Variants in NEB observed in about 807,000 individuals in gnomAD.
The protein encoded by NEB is nebulin, also known as nemaline myopathy type 2.
In NEB, 512 loss-of-function variants were observed where a neutral mutation model predicts 952.2. That is an observed-to-expected ratio of 0.54 (90% CI 0.50 to 0.58). NEB has a LOEUF of 0.58. NEB is among the 20% of genes least tolerant of loss of function. The probability of loss-of-function intolerance (pLI) is 0.00; values close to 1 mark genes in which losing one functional copy is unlikely to be tolerated. For synonymous variants in NEB, 2,900 were observed against 3,149.8 expected (o/e 0.92, Z 2.66); for missense variants, 8,428 against 9,231.1 (o/e 0.91, Z 3.56).
intron 153 of NEB, among the ~76,000 whole-genome samples, chr2:151,523,836 A>G (rs1355642226): frequency 6.6e-6 from 1 of 152,302 alleles, no homozygotes; most frequent in African/African-American, 2.4e-5. Context: ...ATCTGAAGAC[A>G]TCTGCTCATC....
Position 151,642,764 on chromosome 2 carries a change from C to A in NEB, c.8265+1G>T, listed in dbSNP as rs1131691547. The A allele has an allele frequency of 6.2e-7, 1 of 1,607,346 alleles. No individual in the cohort carries two copies. The highest frequency in any genetic ancestry group is 2.2e-5 in the East Asian group (1 of 44,768). ...TCACGCACTATGAATATATTACTTA[C>A]CTCACTGTAATTTACTTTGTTTTGT... On this transcript the variant is annotated splice_donor_variant, in intron 59 of 181. Transcript: ENST00000397345. LOFTEE classifies it high-confidence loss of function.
At chr2:151,692,543 T>G (rs1361475086) in intron 20 of NEB, 181 bp from the exon 21 acceptor site, 2 of 644,948 alleles carry the variant, frequency 3.1e-6, no homozygotes, top group African/African-American at 3.7e-5. Context: ...TTATATAATC[T>G]CATCTGCTAA....
chr2:151,545,575 C>CA lies in NEB; in HGVS notation c.20577+312dup, dbSNP rs566474049. On this transcript the variant is annotated intron_variant, in intron 135 of 181. Coordinates refer to ENST00000397345, the MANE Select transcript of NEB (RefSeq NM_001164508.2). ...GGGCAACAAGAGCAAAACTCCATCT[C>CA]AAAAAAAAAAAGAAAAAGAAAGGTC... Among the ~76,000 whole-genome samples, 267 of 135,200 alleles carry CA rather than the reference C, an allele frequency of 2.0e-3. 1 individual carries two copies. The highest frequency in any genetic ancestry group is 6.5e-3 in the East Asian group (31 of 4,772). The allele number at this position is 135,200 out of a possible 152,430, so 88.7% of individuals were successfully genotyped here.
chr2:151,546,857 C>A (rs2153612435), intron 133 of NEB, among the ~76,000 whole-genome samples: 1 of 152,302 alleles, frequency 6.6e-6, no homozygotes, highest in South Asian at 2.1e-4. Context: ...CCGTGCCCAG[C>A]CAGTTCATCT....
At chr2:151,687,251 G>C (rs2099509837) in intron 27 of NEB, among the ~76,000 whole-genome samples, 168 bp downstream of exon 27, 1 of 152,118 alleles carries the variant, frequency 6.6e-6, no homozygotes, top group Admixed American at 6.5e-5. Flanking sequence ...CTCAAATGTG[G>C]GAGGCACAAT....
chr2:151,623,298 C>T (rs2098453295), intron 71 of NEB, among the ~76,000 whole-genome samples: 1 of 152,088 alleles, frequency 6.6e-6, no homozygotes. Flanking sequence ...AGAAATAATG[C>T]ATGGCTTTAA....
chr2:151,575,591 C>T (rs553780946), intron 107 of NEB, 104 bp downstream of exon 107: 28 of 796,678 alleles, frequency 3.5e-5, no homozygotes, highest in East Asian at 1.0e-4. Flanking sequence ...TCCCCTGTTG[C>T]GGGAAGTCAG....
At position 151,682,721 on chromosome 2, in the gene NEB, C is replaced by A; in HGVS notation, c.2884G>T (p.Val962Leu). Residue 962 changes from valine to leucine, a missense_variant, in exon 29 of 182, where the codon GTG (valine) becomes TTG (leucine). By Grantham distance (32) the Val-to-Leu change is conservative (BLOSUM62 1). Coordinates refer to ENST00000397345, the MANE Select transcript of NEB (RefSeq NM_001164508.2). ...YNSWMKGCGW[V>L]PFGSLEMEKA... ...TCCATTTCTAAGGACCCAAAAGGCA[C>A]CCAGCCACAACCTTTCATCCAGCTA... 6.2e-7 allele frequency: 1 copy of A among 1,613,466 alleles called. No individual in the cohort carries two copies. Among genetic ancestry groups the A allele is most frequent in the Non-Finnish European group, 8.5e-7 (1 of 1,179,568 alleles).
chr2:151,572,493 T>A (rs1255735666), intron 107 of NEB, among the ~76,000 whole-genome samples: 1 of 146,758 alleles, frequency 6.8e-6, no homozygotes, highest in Non-Finnish European at 1.5e-5. Flanking sequence ...TGAATATTTA[T>A]ATATATTGAA....
chr2:151,694,990 G>T (rs1416075000), intron 18 of NEB, among the ~76,000 whole-genome samples: 1 of 152,060 alleles, frequency 6.6e-6, no homozygotes, highest in East Asian at 1.9e-4. Flanking sequence ...TCTCTGCAAA[G>T]GTTATTTCAT....
chr2:151,536,475 A>G (rs909910183), intron 141 of NEB, among the ~76,000 whole-genome samples: 4 of 152,202 alleles, frequency 2.6e-5, no homozygotes, highest in African/African-American at 9.6e-5. Context: ...GTTTTCCAGT[A>G]ATTAATCAGA....
Position 151,567,411 on chromosome 2 carries a change from A to T in NEB, c.17913T>A (p.Asp5971Glu), listed in dbSNP as rs1167894918. ...CATGCTCAAACCAAACCAGCTTAGG[A>T]TCATCTCTCATCGTCGGGACACCAA... is the stretch of plus-strand genomic sequence containing the variant. ...HYVGVPTMRDDPKLVWFEHAG... is the reference protein window; with the variant it reads ...HYVGVPTMRDEPKLVWFEHAG... Residue 5971 changes from aspartate (D) to glutamate (E), a missense_variant, in exon 114 of 182, where the codon GAT becomes GAA. Transcript: ENST00000397345. The T allele has an allele frequency of 4.3e-6, 7 of 1,613,630 alleles. No individual in the cohort carries two copies. In the Admixed American group the frequency reaches 8.3e-5, roughly 19 times the overall value.
chr2:151,624,624 A>C (rs1335980732), intron 71 of NEB, among the ~76,000 whole-genome samples: 2 of 152,158 alleles, frequency 1.3e-5, no homozygotes, highest in Non-Finnish European at 2.9e-5. Context: ...ATTATAGGCA[A>C]AAGTAATTAT....
At chr2:151,537,274 A>G (rs2093344771) in intron 140 of NEB, 38 bp from the exon 141 acceptor site, 1 of 1,244,688 alleles carries the variant, frequency 8.0e-7, no homozygotes, top group African/African-American at 1.5e-5. Flanking sequence ...CTAAGAAGCC[A>G]TCTCCAAACA....
chr2:151,656,903 TTC>T (rs1262029302), intron 48 of NEB, among the ~76,000 whole-genome samples: 2 of 152,126 alleles, frequency 1.3e-5, no homozygotes, highest in Non-Finnish European at 2.9e-5. Flanking sequence ...TGAGAAATTA[TTC>T]TGTCAGTCAT....
intron 10 of NEB, among the ~76,000 whole-genome samples, chr2:151,715,853 TA>T (rs2099757448): frequency 6.6e-6 from 1 of 152,216 alleles, no homozygotes; most frequent in African/African-American, 2.4e-5. Flanking sequence ...AGTGTAGCAC[TA>T]AACCAACTGG....
At chr2:151,581,691 G>A in intron 102 of NEB, 104 bp from the exon 103 acceptor site, 1 of 1,346,904 alleles carries the variant, frequency 7.4e-7, no homozygotes, top group Admixed American at 2.6e-5. Context: ...AATGGATGAT[G>A]AAAAAAATTT....
In NEB at chr2:151,570,212, T is replaced by G. The variant is rs778657488; in HGVS notation, c.17299A>C (p.Ile5767Leu). ...KIQSPVDMLS[I>L]LHSKNSQALV... is the part of the protein sequence containing the mutation. ...GCCTGGGAATTTTTAGAGTGCAGGA[T>G]GGAAAGCATGTCCACAGGGCTCTGG... Residue 5767 changes from isoleucine to leucine, a missense_variant, in exon 109 of 182, where the codon ATC (isoleucine) becomes CTC (leucine). This residue lies in a region of NEB where 3,374 missense variants were observed against 3,651.5 expected (regional missense o/e 0.92). Coordinates refer to ENST00000397345, the MANE Select transcript of NEB (RefSeq NM_001164508.2). 6.2e-7 allele frequency: 1 copy of G among 1,613,780 alleles called. No homozygotes were observed. The highest frequency in any genetic ancestry group is 1.3e-5 in the African/African-American group (1 of 75,040).
chr2:151,503,736 G>T (rs78007533), intron 165 of NEB, among the ~76,000 whole-genome samples: 4,083 of 152,230 alleles, frequency 0.027, 73 homozygotes, highest in African/African-American at 0.047. Context: ...TAACCATTTT[G>T]TTGCATCTAG....
Sources: gnomAD v4.1 joint callset for allele counts (sites outside exome capture counted in the v4.1 genomes callset) on GRCh38, gnomAD v4.1.1 for gene constraint, gnomAD v4.1.1 regional missense constraint, MANE v1.5 for transcripts, NCBI Gene and HGNC (gene_info 2026-07-23, HGNC 2026-07-21) for gene names.